HCFC2: variants seen among roughly 807,000 people sequenced by gnomAD.
The protein encoded by HCFC2 is host cell factor 2.
In HCFC2, 18 loss-of-function variants were observed where a neutral mutation model predicts 89.2. The observed-to-expected ratio is 0.20, with a 90% confidence interval of 0.14 to 0.30. HCFC2 has a LOEUF of 0.30. Among genes scored for constraint, HCFC2 ranks in the 10% least tolerant of loss-of-function variants. The pLI is 1.00. For synonymous variants in HCFC2, 308 were observed against 335.7 expected (o/e 0.92, Z 0.90); for missense variants, 578 against 956.1 (o/e 0.60, Z 5.21).
intron 12 of HCFC2, among the ~76,000 whole-genome samples, chr12:104,097,965 G>A (rs1884224846): frequency 6.6e-6 from 1 of 152,114 alleles, no homozygotes; most frequent in Admixed American, 6.5e-5. Context: ...GAATTTTTCT[G>A]TATTTGCTCC....
chr12:104,088,281 G>A (rs1203929110), intron 9 of HCFC2, among the ~76,000 whole-genome samples: 2 of 152,248 alleles, frequency 1.3e-5, no homozygotes, highest in East Asian at 1.9e-4. Context: ...TTCACAGATC[G>A]CTGTGACAGA....
chr12:104,093,514 T>C lies in HCFC2; in HGVS notation c.1413T>C (p.Asn471=). 1.2e-6 allele frequency: 2 copies of C among 1,613,298 alleles called. No homozygotes were observed. Among genetic ancestry groups the C allele is most frequent in the South Asian group, 2.2e-5 (2 of 91,052 alleles). Residue 471 remains asparagine, a synonymous_variant, in exon 10 of 15, where the codon AAT becomes AAC. Coordinates refer to ENST00000229330, the MANE Select transcript of HCFC2 (RefSeq NM_013320.3). The stretch of plus-strand genomic sequence containing the variant: ...TTTTATATCCATCTTTGGCATCAAA[T>C]GCTTCTAATCATAATAGTCATGTGG... ...NAILYPSLAS[N]ASNHNSHVVD... is the part of the protein sequence containing the mutation.
chr12:104,070,606 G>T (rs1883290695), intron 3 of HCFC2, among the ~76,000 whole-genome samples: 1 of 152,124 alleles, frequency 6.6e-6, no homozygotes, highest in Admixed American at 6.6e-5. Flanking sequence ...AGCACTTTCA[G>T]GTTGCCATAG....
rs150634975 is a variant in HCFC2 at position 104,096,563 on chromosome 12, A to C, written c.1740+130A>C. On this transcript the variant is annotated intron_variant, in intron 12 of 14. Coordinates refer to ENST00000229330, the MANE Select transcript of HCFC2 (RefSeq NM_013320.3). ...AATGAACTGACATAAATTTAGAAAT[A>C]AATGATTGAATAGGAAAATGTTCAC... 1.4e-3 allele frequency: 814 copies of C among 582,494 alleles called. 3 individuals carry two copies. The highest frequency in any genetic ancestry group is 0.014 in the African/African-American group (740 of 53,854). 36.1% of individuals were successfully genotyped at this position (582,494 alleles called of 1,614,324 possible).
chr12:104,096,534 C>A, intron 12 of HCFC2, 101 bp downstream of exon 12: 1 of 707,020 alleles, frequency 1.4e-6, no homozygotes, highest in Non-Finnish European at 2.4e-6. Context: ...TCTCAGGTCT[C>A]AGTAATGAAC....
At position 104,093,535 on chromosome 12, in the gene HCFC2, T is replaced by C. The variant is rs1884089015; in HGVS notation, c.1434T>C (p.His478=). Residue 478 remains histidine, a synonymous_variant, in exon 10 of 15, where the codon CAT becomes CAC. Transcript: ENST00000229330. ...LASNASNHNS[H]VVDMLRKNEG... ...CAAATGCTTCTAATCATAATAGTCA[T>C]GTGGTGGATATGCTAAGGAAAAATG... 1.2e-6 allele frequency: 2 copies of C among 1,611,852 alleles called. No individual in the cohort carries two copies. The highest frequency in any genetic ancestry group is 1.7e-6 in the Non-Finnish European group (2 of 1,179,076).
Position 104,096,565 on chromosome 12 carries a change from A to G in HCFC2, c.1740+132A>G. The stretch of plus-strand genomic sequence containing the variant: ...TGAACTGACATAAATTTAGAAATAA[A>G]TGATTGAATAGGAAAATGTTCACAG... On this transcript the variant is annotated intron_variant, in intron 12 of 14. Transcript: ENST00000229330. 6.9e-6 allele frequency: 4 copies of G among 576,374 alleles called. No individual in the cohort carries two copies. In the Middle Eastern group the frequency reaches 8.1e-4, roughly 117 times the overall value. 35.7% of individuals were successfully genotyped at this position (576,374 alleles called of 1,614,324 possible).
intron 5 of HCFC2, among the ~76,000 whole-genome samples, chr12:104,081,624 C>T (rs1160918445): frequency 1.6e-4 from 23 of 143,978 alleles, no homozygotes; most frequent in African/African-American, 5.6e-4. Flanking sequence ...TTTAAATAAA[C>T]TCAAAACCAA....
chr12:104,087,613 T>TTA (rs1359017708), intron 8 of HCFC2, among the ~76,000 whole-genome samples: 2 of 151,798 alleles, frequency 1.3e-5, no homozygotes, highest in East Asian at 3.9e-4. Flanking sequence ...CTTGGATGTC[T>TTA]TACCATTATG....
intron 5 of HCFC2, among the ~76,000 whole-genome samples, chr12:104,081,313 C>T (rs1883676652): frequency 1.3e-5 from 2 of 152,314 alleles, no homozygotes; most frequent in East Asian, 1.9e-4. Context: ...TTGTACCTCA[C>T]TTTCCTTAAG....
intron 3 of HCFC2, among the ~76,000 whole-genome samples, chr12:104,075,387 G>A (rs1402149834): frequency 7.3e-6 from 1 of 136,904 alleles, no homozygotes; most frequent in Non-Finnish European, 1.6e-5. Context: ...TTGACTGTCT[G>A]TTTTTCTTTT....
intron 12 of HCFC2, chr12:104,097,769 A>G (rs1884218171): frequency 2.9e-6 from 1 of 339,130 alleles, no homozygotes; most frequent in Non-Finnish European, 4.2e-6. Context: ...GTTTTAAAAC[A>G]GGATAAAAAA....
intron 3 of HCFC2, among the ~76,000 whole-genome samples, chr12:104,073,167 CT>C (rs751054824): frequency 1.6e-3 from 214 of 131,622 alleles, no homozygotes; most frequent in African/African-American, 2.8e-3. Flanking sequence ...TTCTGTTTGC[CT>C]TTTTTTTTTT....
chr12:104,091,327 C>T (rs1267660875), intron 9 of HCFC2, among the ~76,000 whole-genome samples: 3 of 152,180 alleles, frequency 2.0e-5, no homozygotes, highest in Admixed American at 6.5e-5. Flanking sequence ...TGACAGGCCT[C>T]CAGCGTTTTC....
chr12:104,077,550 G>GT (rs202233502), intron 3 of HCFC2, among the ~76,000 whole-genome samples: 714 of 133,404 alleles, frequency 5.4e-3, no homozygotes, highest in East Asian at 0.015. Context: ...CCCCTGGCCT[G>GT]TTTTTTTTTT....
rs2136633670 is a variant in HCFC2, at chr12:104,106,243, C to T, written c.*2970C>T. ...ACTTGTAGACTAGCAAAGATTCATTCTGATTAGAAATAAGGTCTATAGCTA... is the reference window on the plus strand; with the variant it reads ...ACTTGTAGACTAGCAAAGATTCATTTTGATTAGAAATAAGGTCTATAGCTA... On this transcript the variant is annotated 3_prime_UTR_variant, in exon 15 of 15. Transcript: ENST00000229330. 6.6e-6 allele frequency: 1 copy of T among 152,116 alleles called. No homozygotes were observed. The highest frequency in any genetic ancestry group is 3.4e-3 in the Middle Eastern group (1 of 294). The allele number at this position is 152,116 out of a possible 1,614,324, so 9.4% of individuals were successfully genotyped here. A position where few individuals can be genotyped will look rare whatever the true frequency, so the allele number is the denominator to read the frequency against.
intron 9 of HCFC2, among the ~76,000 whole-genome samples, chr12:104,089,013 T>C (rs2136618314): frequency 6.6e-6 from 1 of 152,302 alleles, no homozygotes; most frequent in Admixed American, 6.5e-5. Context: ...GTTGTCCTTC[T>C]GTATCTGCAG....
Position 104,093,480 on chromosome 12 carries a change from C to T in HCFC2, c.1379C>T (p.Ser460Phe), listed in dbSNP as rs1884086825. 1 of 1,613,054 alleles carries T rather than the reference C, an allele frequency of 6.2e-7. No individual in the cohort carries two copies. The highest frequency in any genetic ancestry group is 1.1e-5 in the South Asian group (1 of 91,062). ...NKPDFKALTD[S>F]NAILYPSLAS... Reference sequence around the variant, plus strand: ...CCAGACTTTAAAGCACTGACGGATTCTAATGCCATTTTATATCCATCTTTG... The same window carrying T: ...CCAGACTTTAAAGCACTGACGGATTTTAATGCCATTTTATATCCATCTTTG... Residue 460 changes from serine (S) to phenylalanine (F), a missense_variant, in exon 10 of 15, where the codon TCT (serine) becomes TTT (phenylalanine). By Grantham distance (155) the Ser-to-Phe change is radical (BLOSUM62 -2). Around this residue, in one of 4 missense-constraint regions of HCFC2, gnomAD observed 210 missense variants for 251.7 expected, o/e 0.83. Coordinates refer to ENST00000229330, the MANE Select transcript of HCFC2 (RefSeq NM_013320.3).
At chr12:104,089,332 G>A (rs1024790285) in intron 9 of HCFC2, among the ~76,000 whole-genome samples, 1 of 152,122 alleles carries the variant, frequency 6.6e-6, no homozygotes, top group Non-Finnish European at 1.5e-5. Flanking sequence ...CTAACATGGT[G>A]AAACCCTGTC....
Sources: gnomAD v4.1 joint callset for allele counts (sites outside exome capture counted in the v4.1 genomes callset) on GRCh38, gnomAD v4.1.1 for gene constraint, gnomAD v4.1.1 regional missense constraint, MANE v1.5 for transcripts, NCBI Gene and HGNC (gene_info 2026-07-23, HGNC 2026-07-21) for gene names.